The following FAM98A variants were observed in gnomAD, a reference collection of about 807,000 sequenced individuals.
FAM98A encodes tRNA splicing ligase complex subunit 3A, also known as protein FAM98A.
A neutral mutation model predicts 62.9 loss-of-function variants in FAM98A; 25 were observed. The observed-to-expected ratio is 0.40, with a 90% CI of 0.29 to 0.56. The LOEUF (loss-of-function observed/expected upper bound fraction) is 0.56. FAM98A is among the 20% of genes least tolerant of loss of function. The pLI, the probability that FAM98A is intolerant of heterozygous loss-of-function variation, is 0.51. For missense variants in FAM98A, 653 were observed against 640.7 expected (o/e 1.02, Z -0.21); for synonymous variants, 252 against 228.6 (o/e 1.10, Z -0.92).
In FAM98A at chr2:33,595,575, G is replaced by C. The variant is rs749771751; in HGVS notation, c.116C>G (p.Ser39Cys). ...LSQAVSAGAS[S>C]PEFTKLCAWL... ...AGCACAGAGTTTGGTAAACTCGGGG[G>C]AACTGGCTCCAGCAGAGACTGCCTG... is the stretch of plus-strand genomic sequence containing the variant. The change falls in exon 2 of 8, where the codon TCC becomes TGC. Residue 39 changes from serine to cysteine, a missense_variant. Physicochemically the swap from Ser to Cys is moderately radical, Grantham distance 112. Coordinates refer to ENST00000238823, the MANE Select transcript of FAM98A (RefSeq NM_015475.5). The C allele has an allele frequency of 6.2e-7, 1 of 1,608,682 alleles. No individual in the cohort carries two copies. Among genetic ancestry groups the C allele is most frequent in the Non-Finnish European group, 8.5e-7 (1 of 1,178,148 alleles).
chr2:33,585,170 C>T lies in FAM98A; in HGVS notation c.1163G>A (p.Ser388Asn), dbSNP rs771078881. 3.7e-6 allele frequency: 6 copies of T among 1,614,184 alleles called. No homozygotes were observed. The highest frequency in any genetic ancestry group is 2.2e-5 in the East Asian group (1 of 44,878). The change falls in exon 8 of 8, where the codon AGT (serine) becomes AAT (asparagine). Residue 388 changes from serine (S) to asparagine (N), a missense_variant. Coordinates refer to ENST00000238823, the MANE Select transcript of FAM98A (RefSeq NM_015475.5). ...KHQGGWTDGG[S>N]GGGGGYQDGG... ...ATCTTGGTAGCCACCTCCTCCACCA[C>T]TCCCTCCATCTGTCCAGCCTCCTTG... is the stretch of plus-strand genomic sequence containing the variant.
intron 3 of FAM98A, 165 bp from the exon 4 acceptor site, chr2:33,588,684 T>C: frequency 2.2e-6 from 1 of 460,616 alleles, no homozygotes; most frequent in Admixed American, 3.8e-5. Flanking sequence ...AAATAAGAAA[T>C]AAACTGGTTA....
intron 6 of FAM98A, among the ~76,000 whole-genome samples, chr2:33,585,948 C>T (rs1007347030): frequency 6.6e-6 from 1 of 152,010 alleles, no homozygotes; most frequent in Non-Finnish European, 1.5e-5. Context: ...GAGAGGGTGC[C>T]CCTTTAGGGT....
intron 1 of FAM98A, among the ~76,000 whole-genome samples, chr2:33,596,112 G>C (rs1320574273): frequency 2.0e-5 from 3 of 152,096 alleles, no homozygotes; most frequent in African/African-American, 4.8e-5. Context: ...CTGTCACATA[G>C]GCTGAAGTGC....
chr2:33,590,298 T>G (rs917792175), intron 3 of FAM98A, among the ~76,000 whole-genome samples: 1 of 152,164 alleles, frequency 6.6e-6, no homozygotes, highest in Admixed American at 6.5e-5. Flanking sequence ...AGCCTCTCAC[T>G]CAAAGGCTAT....
chr2:33,592,068 C>T lies in FAM98A; in HGVS notation c.337+12G>A. 6.2e-7 allele frequency: 1 copy of T among 1,609,954 alleles called. No homozygotes were observed. Among genetic ancestry groups the T allele is most frequent in the Non-Finnish European group, 8.5e-7 (1 of 1,177,206 alleles). ...GAAAGTAATAGCTATATTCTAGTAG[C>T]CATGAACTTACTGAGCAAGAGGAGG... On this transcript the variant is annotated intron_variant, in intron 3 of 7. Coordinates refer to ENST00000238823, the MANE Select transcript of FAM98A (RefSeq NM_015475.5).
In FAM98A at chr2:33,584,578, T is replaced by C. The variant is rs1255344845; in HGVS notation, c.*198A>G. 10 of 532,222 alleles carry C rather than the reference T, an allele frequency of 1.9e-5. No homozygotes were observed. The highest frequency in any genetic ancestry group is 3.8e-5 in the African/African-American group (2 of 53,222). The allele number at this position is 532,222 out of a possible 1,614,324, so 33.0% of individuals were successfully genotyped here. ...TCATAGAAAGGAGAGATGTTATGTG[T>C]TTCTCAAATAAACGGCATTATGTAA... On this transcript the variant is annotated 3_prime_UTR_variant, in exon 8 of 8. Transcript: ENST00000238823.
chr2:33,595,836 G>A (rs572941524), intron 1 of FAM98A, among the ~76,000 whole-genome samples, 199 bp from the exon 2 acceptor site: 1 of 152,248 alleles, frequency 6.6e-6, no homozygotes, highest in East Asian at 1.9e-4. Context: ...AATGGTAGCT[G>A]CATTTCAACC....
chr2:33,591,188 A>C (rs1268051937), intron 3 of FAM98A, among the ~76,000 whole-genome samples: 1 of 136,386 alleles, frequency 7.3e-6, no homozygotes, highest in East Asian at 2.1e-4. Flanking sequence ...TATAATGGCT[A>C]TGAACACTTT....
At chr2:33,595,181 C>G (rs1470000091) in intron 2 of FAM98A, among the ~76,000 whole-genome samples, 1 of 152,148 alleles carries the variant, frequency 6.6e-6, no homozygotes, top group Non-Finnish European at 1.5e-5. Context: ...AATCTAGGAT[C>G]TTACATTTAA....
chr2:33,585,140 C>A lies in FAM98A; in HGVS notation c.1193G>T (p.Gly398Val), dbSNP rs138802995. 1.2e-6 allele frequency: 2 copies of A among 1,614,178 alleles called. No homozygotes were observed. Among genetic ancestry groups the A allele is most frequent in the Non-Finnish European group, 8.5e-7 (1 of 1,180,032 alleles). The change falls in exon 8 of 8, where the codon GGT becomes GTT. Residue 398 changes from glycine to valine, a missense_variant. Gly to Val is a moderately radical substitution (Grantham distance 109). Transcript: ENST00000238823. ...TGGCTGGAAACCTGAATCTCGATAA[C>A]CACCATCTTGGTAGCCACCTCCTCC... ...SGGGGGYQDG[G>V]YRDSGFQPGG...
chr2:33,584,656 C>G lies in FAM98A; in HGVS notation c.*120G>C, dbSNP rs776669528. The G allele has an allele frequency of 1.1e-4, 96 of 840,552 alleles. No homozygotes were observed. Among genetic ancestry groups the G allele is most frequent in the Non-Finnish European group, 1.7e-4 (92 of 526,890 alleles). 52.1% of individuals were successfully genotyped at this position (840,552 alleles called of 1,614,324 possible). ...AATGAAGACCTACAAATGCTTATGCCAAGCAGGAATCTGCCTGCCACCTGT... is the reference window on the plus strand; with the variant it reads ...AATGAAGACCTACAAATGCTTATGCGAAGCAGGAATCTGCCTGCCACCTGT... On this transcript the variant is annotated 3_prime_UTR_variant, in exon 8 of 8. Transcript: ENST00000238823.
chr2:33,598,530 G>A (rs1481105351), intron 1 of FAM98A, among the ~76,000 whole-genome samples: 1 of 152,222 alleles, frequency 6.6e-6, no homozygotes, highest in Non-Finnish European at 1.5e-5. Flanking sequence ...CGTGGGTGAA[G>A]ACGACCCTGG....
intron 1 of FAM98A, 111 bp from the exon 2 acceptor site, chr2:33,595,748 T>TAC: frequency 4.1e-5 from 29 of 708,324 alleles, no homozygotes; most frequent in South Asian, 5.6e-5. Flanking sequence ...TAAAGATAAG[T>TAC]TAGTACTTAT....
chr2:33,591,852 C>T, intron 3 of FAM98A: 1 of 385,818 alleles, frequency 2.6e-6, no homozygotes, highest in South Asian at 5.2e-5. Context: ...GCCTGAGTAC[C>T]ACTGAGGCTG....
intron 3 of FAM98A, 123 bp from the exon 4 acceptor site, chr2:33,588,642 C>T: frequency 1.6e-6 from 1 of 629,350 alleles, no homozygotes; most frequent in Non-Finnish European, 2.4e-6. Context: ...TGGATAAAAA[C>T]AAGAAAGAAA....
At chr2:33,598,131 A>T (rs770425642) in intron 1 of FAM98A, among the ~76,000 whole-genome samples, 10 of 152,262 alleles carry the variant, frequency 6.6e-5, no homozygotes, top group Non-Finnish European at 1.5e-4. Flanking sequence ...AAAAATTTCT[A>T]CTAGGGTAGT....
At chr2:33,598,906 T>C (rs1371785393) in intron 1 of FAM98A, among the ~76,000 whole-genome samples, 1 of 151,906 alleles carries the variant, frequency 6.6e-6, no homozygotes, top group Non-Finnish European at 1.5e-5. Context: ...GCCCAGACAA[T>C]GACACGCATG....
rs1677760161 is a variant in FAM98A at position 33,594,671 on chromosome 2, ATATATATACACACATATATATACAC to A, written c.202+793_202+817del. On this transcript the variant is annotated intron_variant, in intron 2 of 7. Coordinates refer to ENST00000238823, the MANE Select transcript of FAM98A (RefSeq NM_015475.5). ...TATATACACACATATATATACACAT[ATATATATACACACATATATATACAC>A]ATATATATATACACACACACACACA... Among the ~76,000 whole-genome samples the A allele has an allele frequency of 1.2e-4, 8 of 68,198 alleles. 2 individuals are homozygous for A. The highest frequency in any genetic ancestry group is 5.6e-4 in the African/African-American group (8 of 14,334). 44.7% of individuals were successfully genotyped at this position (68,198 alleles called of 152,430 possible).
Sources: gnomAD v4.1 joint callset for allele counts (sites outside exome capture counted in the v4.1 genomes callset) on GRCh38, gnomAD v4.1.1 for gene constraint, MANE v1.5 for transcripts, NCBI Gene and HGNC (gene_info 2026-07-23, HGNC 2026-07-21) for gene names.